The following TMEM267 variants were observed in gnomAD, a reference collection of about 807,000 sequenced individuals.
TMEM267 encodes transmembrane protein 267, also known as transmembrane protein C5orf28.
A neutral mutation model predicts 19.3 loss-of-function variants in TMEM267; 20 were observed. That is an observed-to-expected ratio of 1.04 (90% CI 0.73 to 1.51). The LOEUF (loss-of-function observed/expected upper bound fraction) is 1.51, where lower values mean the gene tolerates loss of function less well. Ranked by LOEUF, TMEM267 falls within the 40% of genes most tolerant of loss-of-function variation. The probability of loss-of-function intolerance (pLI) is 0.00; values close to 1 mark genes in which losing one functional copy is unlikely to be tolerated. For missense variants in TMEM267, 242 were observed against 261.9 expected (o/e 0.92, Z 0.52); for synonymous variants, 88 against 90.3 (o/e 0.97, Z 0.15).
chr5:43,468,838 A>G (rs1221774484), intron 1 of TMEM267, among the ~76,000 whole-genome samples: 1 of 152,240 alleles, frequency 6.6e-6, no homozygotes, highest in Non-Finnish European at 1.5e-5. Context: ...ACAAGTCTTA[A>G]AACATTAACA....
At chr5:43,473,240 A>G (rs1744197742) in intron 1 of TMEM267, among the ~76,000 whole-genome samples, 1 of 152,012 alleles carries the variant, frequency 6.6e-6, no homozygotes, top group Non-Finnish European at 1.5e-5. Context: ...TGTACATTCA[A>G]CATAGTTCTG....
intron 1 of TMEM267, among the ~76,000 whole-genome samples, chr5:43,475,159 T>C (rs1437338007): frequency 6.6e-6 from 1 of 152,192 alleles, no homozygotes; most frequent in African/African-American, 2.4e-5. Context: ...AAAGAAAATG[T>C]GGCACATATA....
intron 1 of TMEM267, among the ~76,000 whole-genome samples, 193 bp downstream of exon 1, chr5:43,483,629 G>T (rs1420110270): frequency 6.6e-6 from 1 of 152,166 alleles, no homozygotes; most frequent in African/African-American, 2.4e-5. Context: ...CCGGCTCGTG[G>T]GTCACACGCA....
chr5:43,457,376 T>C (rs1743014520), intron 1 of TMEM267, among the ~76,000 whole-genome samples: 1 of 152,198 alleles, frequency 6.6e-6, no homozygotes, highest in Admixed American at 6.5e-5. Flanking sequence ...TGGAACTACC[T>C]GAAACTGGGT....
intron 1 of TMEM267, among the ~76,000 whole-genome samples, chr5:43,471,844 A>G (rs1331628537): frequency 6.6e-6 from 1 of 152,224 alleles, no homozygotes; most frequent in Non-Finnish European, 1.5e-5. Context: ...AACTACTACA[A>G]GAAAACATTG....
chr5:43,460,221 G>A (rs1299343435), intron 1 of TMEM267, among the ~76,000 whole-genome samples: 1 of 152,160 alleles, frequency 6.6e-6, no homozygotes, highest in Non-Finnish European at 1.5e-5. Flanking sequence ...AGCTTCACTT[G>A]CTAGCCTGCC....
At chr5:43,465,804 T>C (rs1258531031) in intron 1 of TMEM267, among the ~76,000 whole-genome samples, 1 of 151,764 alleles carries the variant, frequency 6.6e-6, no homozygotes, top group Non-Finnish European at 1.5e-5. Flanking sequence ...GGTCCTGTTG[T>C]GGGGTGGGGG....
Position 43,479,793 on chromosome 5 carries a change from A to C in TMEM267, c.-75+4029T>G. 1.0e-5 allele frequency: 4 copies of C among 385,564 alleles called. No individual in the cohort carries two copies. The Middle Eastern group carries it at 1.9e-3, about 184-fold the overall frequency. 23.9% of individuals were successfully genotyped at this position (385,564 alleles called of 1,614,324 possible). A position where few individuals can be genotyped will look rare whatever the true frequency, so the allele number is the denominator to read the frequency against. ...ATTGTTCTCTAAAGCATTAAGATGG[A>C]TTATTTTCTATAGATTCTTCCAGGA... On this transcript the variant is annotated intron_variant, in intron 1 of 2. Coordinates refer to ENST00000397080, the MANE Select transcript of TMEM267 (RefSeq NM_022483.5).
chr5:43,467,366 C>T (rs1043577642), intron 1 of TMEM267, among the ~76,000 whole-genome samples: 3 of 151,944 alleles, frequency 2.0e-5, no homozygotes, highest in African/African-American at 7.3e-5. Context: ...TAAAGACACA[C>T]ATAGACTGAA....
chr5:43,448,598 G>A (rs1351408701), intron 2 of TMEM267, among the ~76,000 whole-genome samples: 2 of 152,084 alleles, frequency 1.3e-5, no homozygotes, highest in African/African-American at 4.8e-5. Context: ...CCAACATGAA[G>A]AAACCCCGTT....
chr5:43,473,539 C>A (rs1413909098), intron 1 of TMEM267, among the ~76,000 whole-genome samples: 1 of 152,116 alleles, frequency 6.6e-6, no homozygotes, highest in African/African-American at 2.4e-5. Context: ...CCTAGGAATA[C>A]AACTTACAAG....
chr5:43,468,739 A>G (rs922760268), intron 1 of TMEM267, among the ~76,000 whole-genome samples: 1 of 152,236 alleles, frequency 6.6e-6, no homozygotes, highest in African/African-American at 2.4e-5. Flanking sequence ...TCGATCTAAT[A>G]AATATTTACA....
At chr5:43,448,757 T>C (rs1351515325) in intron 2 of TMEM267, among the ~76,000 whole-genome samples, 1 of 150,876 alleles carries the variant, frequency 6.6e-6, no homozygotes, top group Non-Finnish European at 1.5e-5. Flanking sequence ...GCCTGGGCAA[T>C]AAGAGTGAAA....
At chr5:43,448,091 A>ACT (rs1313992189) in intron 2 of TMEM267, among the ~76,000 whole-genome samples, 20 of 152,132 alleles carry the variant, frequency 1.3e-4, no homozygotes, top group Non-Finnish European at 2.8e-4. Flanking sequence ...TATTAAAGAG[A>ACT]CTCTACCTTG....
chr5:43,472,470 A>G (rs539368975), intron 1 of TMEM267, among the ~76,000 whole-genome samples: 80 of 151,908 alleles, frequency 5.3e-4, no homozygotes, highest in African/African-American at 1.8e-3. Context: ...AAATCAGTAT[A>G]TCAAAGAGAT....
intron 1 of TMEM267, among the ~76,000 whole-genome samples, chr5:43,461,022 C>T (rs1272815467): frequency 6.6e-6 from 1 of 152,192 alleles, no homozygotes; most frequent in Non-Finnish European, 1.5e-5. Context: ...TCACCCTCAC[C>T]TAACCCCATG....
chr5:43,478,946 CTATT>C (rs1009872872), intron 1 of TMEM267, among the ~76,000 whole-genome samples: 7 of 151,954 alleles, frequency 4.6e-5, no homozygotes, highest in East Asian at 1.9e-4. Context: ...GTCAATTTGA[CTATT>C]TATCAAAAAC....
At chr5:43,465,340 T>C (rs1488335479) in intron 1 of TMEM267, among the ~76,000 whole-genome samples, 6 of 152,108 alleles carry the variant, frequency 3.9e-5, no homozygotes, top group Non-Finnish European at 8.8e-5. Context: ...TGTGGAGAAA[T>C]AGGGACACTT....
chr5:43,470,924 GA>G (rs1744030114), intron 1 of TMEM267, among the ~76,000 whole-genome samples: 1 of 151,274 alleles, frequency 6.6e-6, no homozygotes. Context: ...TAGAAGAAAA[GA>G]AATAATAAAG....
Sources: gnomAD v4.1 joint callset for allele counts (sites outside exome capture counted in the v4.1 genomes callset) on GRCh38, gnomAD v4.1.1 for gene constraint, MANE v1.5 for transcripts, NCBI Gene and HGNC (gene_info 2026-07-23, HGNC 2026-07-21) for gene names.